ATAD3C: variants seen among roughly 807,000 people sequenced by gnomAD.
The protein encoded by ATAD3C is ATPase family AAA domain-containing protein 3C.
ATAD3C carries 38 observed loss-of-function variants against 46.3 expected under a neutral mutation model. The ratio of observed to expected loss-of-function variants is 0.82; its 90% CI spans 0.63 to 1.08. The LOEUF is 1.08. Among genes scored for constraint, ATAD3C ranks in the 50% least tolerant of loss-of-function variants. The pLI is 0.00. For synonymous variants in ATAD3C, 220 were observed against 236.4 expected, an observed-to-expected ratio of 0.93 and a Z score of 0.63; for missense variants, 563 against 572.7, an observed-to-expected ratio of 0.98 and a Z score of 0.17.
At position 1,457,301 on chromosome 1, in the gene ATAD3C, C is replaced by A. The variant is rs1016091991; in HGVS notation, c.741+121C>A. The A allele has an allele frequency of 2.4e-5, 37 of 1,534,794 alleles. 1 individual carries two copies. Among genetic ancestry groups the A allele is most frequent in the Non-Finnish European group, 3.0e-5 (34 of 1,116,864 alleles). The stretch of plus-strand genomic sequence containing the variant: ...TTTTCTCTAAGTTTTGTGTGAAAAA[C>A]ACAGCATTTTTGGCCAGGTGTGGAG... On this transcript the variant is annotated intron_variant, in intron 8 of 11. Transcript: ENST00000378785.
intron 2 of ATAD3C, 57 bp downstream of exon 2, chr1:1,452,179 G>A (rs954570054): frequency 6.2e-6 from 10 of 1,600,526 alleles, no homozygotes; most frequent in Non-Finnish European, 7.7e-6. Flanking sequence ...GGTGTGAGTC[G>A]CTGGTCCCAG....
In ATAD3C at chr1:1,469,700, A is replaced by G. The variant is rs1428862061; in HGVS notation, c.*1170A>G. The G allele has an allele frequency of 6.9e-6, 1 of 145,174 alleles. No homozygotes were observed. The highest frequency in any genetic ancestry group is 1.5e-5 in the Non-Finnish European group (1 of 66,502). 9.0% of individuals were successfully genotyped at this position (145,174 alleles called of 1,614,324 possible). ...CTGTTTTTTTTTTTTTTTTGGCAAT[A>G]GAGTCTTGCTCGCCCAGGGTGGAGT... On this transcript the variant is annotated 3_prime_UTR_variant, in exon 12 of 12. Coordinates refer to ENST00000378785, the MANE Select transcript of ATAD3C (RefSeq NM_001039211.3).
At chr1:1,455,675 C>G in intron 5 of ATAD3C, 116 bp from the exon 6 acceptor site, 4 of 1,558,572 alleles carry the variant, frequency 2.6e-6, no homozygotes, top group African/African-American at 1.4e-5. Context: ...AGGCTGCCCA[C>G]GAGCTGGGTG....
At chr1:1,458,250 G>A (rs1638999890) in intron 8 of ATAD3C, among the ~76,000 whole-genome samples, 1 of 151,630 alleles carries the variant, frequency 6.6e-6, no homozygotes, top group Non-Finnish European at 1.5e-5. Flanking sequence ...CAAAATGCTG[G>A]GATTACATGC....
At chr1:1,451,800 G>T (rs554482050) in intron 1 of ATAD3C, among the ~76,000 whole-genome samples, 2 of 152,066 alleles carry the variant, frequency 1.3e-5, no homozygotes, top group Non-Finnish European at 2.9e-5. Context: ...AGTGGCCCTT[G>T]TCAGGGAAGC....
intron 3 of ATAD3C, among the ~76,000 whole-genome samples, chr1:1,453,668 TC>T (rs1638901852): frequency 6.7e-6 from 1 of 149,434 alleles, no homozygotes; most frequent in Admixed American, 6.7e-5. Flanking sequence ...AGATGGAGTT[TC>T]CCTGTTGTTG....
chr1:1,457,595 C>T (rs1466485862), intron 8 of ATAD3C, among the ~76,000 whole-genome samples: 2 of 36,466 alleles, frequency 5.5e-5, no homozygotes, highest in African/African-American at 2.7e-4. Flanking sequence ...GACTTCATCT[C>T]AAAAAAAAAA....
rs754436632 is a variant in ATAD3C at position 1,468,566 on chromosome 1, G to A, written c.*36G>A. Reference sequence around the variant, plus strand: ...AGACCACACCTCACGGAGCCTGGCCGCGGACCCCTCCCACCCCTGCCTTTG... The same window carrying A: ...AGACCACACCTCACGGAGCCTGGCCACGGACCCCTCCCACCCCTGCCTTTG... On this transcript the variant is annotated 3_prime_UTR_variant, in exon 12 of 12. Coordinates refer to ENST00000378785, the MANE Select transcript of ATAD3C (RefSeq NM_001039211.3). 8.8e-6 allele frequency: 14 copies of A among 1,586,322 alleles called. 1 individual carries two copies. The highest frequency in any genetic ancestry group is 1.7e-4 in the Middle Eastern group (1 of 5,892).
intron 4 of ATAD3C, 34 bp from the exon 5 acceptor site, chr1:1,455,426 A>C: frequency 1.2e-6 from 2 of 1,608,742 alleles, no homozygotes; most frequent in Non-Finnish European, 1.7e-6. Context: ...TGGCTGTGGC[A>C]GGTGACCCAA....
At chr1:1,463,871 C>T (rs1042144440) in intron 11 of ATAD3C, among the ~76,000 whole-genome samples, 16 of 151,786 alleles carry the variant, frequency 1.1e-4, no homozygotes, top group African/African-American at 1.9e-4. Context: ...GTGATTGTGC[C>T]ACTGCACTCC....
At chr1:1,465,528 T>C (rs938160849) in intron 11 of ATAD3C, among the ~76,000 whole-genome samples, 1 of 148,490 alleles carries the variant, frequency 6.7e-6, no homozygotes, top group Non-Finnish European at 1.5e-5. Flanking sequence ...GAGGCGGAGC[T>C]TGCAGTGAGC....
Position 1,468,493 on chromosome 1 carries a change from A to T in ATAD3C, c.1199A>T (p.Glu400Val), listed in dbSNP as rs2454648. 39 of 1,610,786 alleles carry T rather than the reference A, an allele frequency of 2.4e-5. No homozygotes were observed. Among genetic ancestry groups the T allele is most frequent in the Non-Finnish European group, 3.3e-5 (39 of 1,178,766 alleles). Residue 400 changes from glutamate (E) to valine (V), a missense_variant, in exon 12 of 12, where the codon GAG (glutamate) becomes GTG (valine). By Grantham distance (121) the Glu-to-Val change is moderately radical (BLOSUM62 -2). This residue lies in a region of ATAD3C where 273 missense variants were observed against 253.5 expected (regional missense o/e 1.08). Coordinates refer to ENST00000378785, the MANE Select transcript of ATAD3C (RefSeq NM_001039211.3). Reference protein sequence around the residue: ...HQQMMRWLKGERPGPEDEQPS... With the variant: ...HQQMMRWLKGVRPGPEDEQPS... ...CAGATGATGCGCTGGCTGAAGGGGG[A>T]GAGGCCTGGGCCCGAGGACGAGCAA...
At position 1,454,504 on chromosome 1, in the gene ATAD3C, G is replaced by A; in HGVS notation, c.378+4G>A. 6.2e-7 allele frequency: 1 copy of A among 1,606,636 alleles called. No individual in the cohort carries two copies. The highest frequency in any genetic ancestry group is 8.5e-7 in the Non-Finnish European group (1 of 1,178,438). On this transcript the variant is annotated splice_donor_region_variant and intron_variant, in intron 4 of 11. Transcript: ENST00000378785. ...GGCGCTGCGGCACCCCATCCAGGTA[G>A]CGGCGCAGGCCTGGCCCTCCCTGAG...
chr1:1,469,099 TAAAAAAAAAAAAAAAAAAAAAA>T lies in ATAD3C; in HGVS notation c.*585_*606del, dbSNP rs70949592. 2.1e-4 allele frequency: 4 copies of T among 18,850 alleles called. No homozygotes were observed. The highest frequency in any genetic ancestry group is 4.5e-4 in the Non-Finnish European group (3 of 6,696). 1.2% of individuals were successfully genotyped at this position (18,850 alleles called of 1,614,324 possible). A position where few individuals can be genotyped will look rare whatever the true frequency, so the allele number is the denominator to read the frequency against. Reference sequence around the variant, plus strand: ...CAACATGGTGAAACTCCATCTCTCCTAAAAAAAAAAAAAAAAAAAAAAAAAAAAAAAAAAAAATTAGCCGGCC... The same window carrying T: ...CAACATGGTGAAACTCCATCTCTCCTAAAAAAAAAAAAAAATTAGCCGGCC... On this transcript the variant is annotated 3_prime_UTR_variant, in exon 12 of 12. Coordinates refer to ENST00000378785, the MANE Select transcript of ATAD3C (RefSeq NM_001039211.3).
rs1638973971 is a variant in ATAD3C at position 1,457,063 on chromosome 1, C to T, written c.690-66C>T. Reference sequence around the variant, plus strand: ...CCTGCTTGGCCTGCTCCTGCCATGGCCGGACGCCGCTGTGGGCTGCTCCTG... The same window carrying T: ...CCTGCTTGGCCTGCTCCTGCCATGGTCGGACGCCGCTGTGGGCTGCTCCTG... On this transcript the variant is annotated intron_variant, in intron 7 of 11. Transcript: ENST00000378785. The T allele has an allele frequency of 1.6e-5, 25 of 1,606,002 alleles. No individual in the cohort carries two copies. The South Asian group carries it at 2.8e-4, about 18-fold the overall frequency.
intron 11 of ATAD3C, among the ~76,000 whole-genome samples, chr1:1,465,452 G>A (rs1347936463): frequency 1.5e-4 from 23 of 151,140 alleles, no homozygotes; most frequent in African/African-American, 4.1e-4. Flanking sequence ...TTAGCCGGGC[G>A]TGGCGGCAGG....
intron 3 of ATAD3C, among the ~76,000 whole-genome samples, chr1:1,453,144 C>T (rs894296144): frequency 3.3e-5 from 5 of 152,082 alleles, no homozygotes; most frequent in African/African-American, 4.8e-5. Flanking sequence ...GTGGTGTTGC[C>T]GCCATGTTGG....
At chr1:1,457,410 C>T (rs548526839) in intron 8 of ATAD3C, among the ~76,000 whole-genome samples, 44 of 151,484 alleles carry the variant, frequency 2.9e-4, no homozygotes, top group African/African-American at 9.2e-4. Context: ...CTGGCTAACA[C>T]GGTGAAACCC....
intron 5 of ATAD3C, 98 bp downstream of exon 5, chr1:1,455,617 T>G (rs1781148): frequency 0.28 from 450,336 of 1,585,214 alleles, 103,420 homozygotes; most frequent in East Asian, 1. Context: ...GCGCCCAGGA[T>G]CTTTTGGGTC....
Sources: gnomAD v4.1 joint callset for allele counts (sites outside exome capture counted in the v4.1 genomes callset) on GRCh38, gnomAD v4.1.1 for gene constraint, gnomAD v4.1.1 regional missense constraint, MANE v1.5 for transcripts, NCBI Gene and HGNC (gene_info 2026-07-23, HGNC 2026-07-21) for gene names.